The following SGK1 variants were observed in gnomAD, a reference collection of about 807,000 sequenced individuals.
The protein encoded by SGK1 is serine/threonine-protein kinase Sgk1.
Under a neutral mutation model 64.2 loss-of-function variants are expected in SGK1, and 26 were observed. That is an observed-to-expected ratio of 0.40 (90% confidence interval 0.30 to 0.56). The LOEUF (loss-of-function observed/expected upper bound fraction) is 0.56. SGK1 is among the 20% of genes least tolerant of loss of function. The pLI, the probability that SGK1 is intolerant of heterozygous loss-of-function variation, is 0.38. For missense variants in SGK1, 519 were observed against 645.6 expected, an observed-to-expected ratio of 0.80 and a Z score of 2.12; for synonymous variants, 265 against 239.7, an observed-to-expected ratio of 1.11 and a Z score of -0.98.
intron 3 of SGK1, among the ~76,000 whole-genome samples, chr6:134,186,669 A>G (rs747953098): frequency 1.6e-4 from 25 of 152,222 alleles, no homozygotes; most frequent in Non-Finnish European, 2.8e-4. Context: ...GGTGACCCAA[A>G]CCTACATTTC....
intron 1 of SGK1, among the ~76,000 whole-genome samples, chr6:134,293,972 G>A (rs1369212501): frequency 6.6e-6 from 1 of 152,154 alleles, no homozygotes; most frequent in Non-Finnish European, 1.5e-5. Flanking sequence ...TAGGATTTTA[G>A]CAACACACAT....
At chr6:134,265,543 CAT>C (rs552542510) in intron 1 of SGK1, among the ~76,000 whole-genome samples, 215 of 146,124 alleles carry the variant, frequency 1.5e-3, no homozygotes, top group African/African-American at 5.0e-3. Context: ...TTTATATACA[CAT>C]ATATATTTTA....
At chr6:134,258,102 A>G (rs1330252569) in intron 2 of SGK1, among the ~76,000 whole-genome samples, 1 of 151,392 alleles carries the variant, frequency 6.6e-6, no homozygotes, top group Non-Finnish European at 1.5e-5. Context: ...AACACAAAAT[A>G]TAGATTTTTT....
chr6:134,268,592 G>T (rs1050860055), intron 1 of SGK1, among the ~76,000 whole-genome samples: 2 of 146,416 alleles, frequency 1.4e-5, no homozygotes, highest in Non-Finnish European at 3.0e-5. Flanking sequence ...GCGTAGTGGA[G>T]GGTGCCTGTA....
At chr6:134,203,976 A>G (rs1372226812) in intron 3 of SGK1, among the ~76,000 whole-genome samples, 1 of 151,900 alleles carries the variant, frequency 6.6e-6, no homozygotes, top group African/African-American at 2.4e-5. Context: ...AGGCAGGAGA[A>G]TTGCTTGAAC....
intron 1 of SGK1, among the ~76,000 whole-genome samples, chr6:134,316,571 T>G (rs1389344197): frequency 2.0e-5 from 3 of 152,042 alleles, no homozygotes; most frequent in Admixed American, 6.6e-5. Context: ...GCCATCCCAG[T>G]GAACTGAGTT....
In SGK1 at chr6:134,234,679, C is replaced by T. The variant is rs548923942; in HGVS notation, c.286-27248G>A. 4.6e-5 allele frequency among the ~76,000 whole-genome samples: 7 copies of T among 151,860 alleles called. No individual in the cohort carries two copies. In the South Asian group the frequency reaches 1.5e-3, roughly 32 times the overall value. ...ATCACCTGAGGTCAAGAGTTTGAGA[C>T]CAGTCTGGCCAACATGGTGAAACCC... On this transcript the variant is annotated intron_variant, in intron 2 of 13. Coordinates refer to ENST00000367858, the MANE Select transcript of SGK1 (RefSeq NM_001143676.3).
At chr6:134,273,579 C>G (rs7773813) in intron 1 of SGK1, among the ~76,000 whole-genome samples, 2 of 82,178 alleles carry the variant, frequency 2.4e-5, no homozygotes, top group Admixed American at 2.2e-4. Context: ...GGCGACAGAG[C>G]GAGACTCCGT....
In SGK1 at chr6:134,172,253, T is replaced by C. The variant is rs1402148617; in HGVS notation, c.1011A>G (p.Gly337=). 1 of 1,613,964 alleles carries C rather than the reference T, an allele frequency of 6.2e-7. No individual in the cohort carries two copies. Among genetic ancestry groups the C allele is most frequent in the Non-Finnish European group, 8.5e-7 (1 of 1,179,986 alleles). ...SQGHIVLTDF[G]LCKENIEHNS... is the part of the protein sequence containing the mutation. ...TGTGTTCAATGTTCTCCTTGCAGAG[T>C]CCGAAGTCAGTAAGGACAATGTGTC... is the stretch of plus-strand genomic sequence containing the variant. The change falls in exon 10 of 14, where the codon GGA becomes GGG. Residue 337 remains glycine (G), a synonymous_variant. Coordinates refer to ENST00000367858, the MANE Select transcript of SGK1 (RefSeq NM_001143676.3).
intron 2 of SGK1, among the ~76,000 whole-genome samples, chr6:134,220,349 CTG>C (rs1776070937): frequency 6.6e-6 from 1 of 152,050 alleles, no homozygotes; most frequent in African/African-American, 2.4e-5. Context: ...AAAACAGACT[CTG>C]AGGGAGGCCA....
chr6:134,249,290 T>C (rs1776571329), intron 2 of SGK1, among the ~76,000 whole-genome samples: 1 of 152,150 alleles, frequency 6.6e-6, no homozygotes, highest in Admixed American at 6.5e-5. Flanking sequence ...GAAGATGATA[T>C]ATAGAAATTG....
chr6:134,226,555 G>A (rs1229427897), intron 2 of SGK1, among the ~76,000 whole-genome samples: 1 of 151,842 alleles, frequency 6.6e-6, no homozygotes, highest in Non-Finnish European at 1.5e-5. Context: ...TTAGCTAGGT[G>A]TGGTGGTACG....
intron 2 of SGK1, among the ~76,000 whole-genome samples, chr6:134,216,945 G>A (rs1293699722): frequency 6.6e-6 from 1 of 152,168 alleles, no homozygotes; most frequent in Non-Finnish European, 1.5e-5. Flanking sequence ...GCAATTCCAT[G>A]GGAGTGCAAG....
At chr6:134,280,966 G>A (rs1490174341) in intron 1 of SGK1, among the ~76,000 whole-genome samples, 2 of 152,138 alleles carry the variant, frequency 1.3e-5, no homozygotes, top group East Asian at 3.9e-4. Context: ...CTACTTGAGG[G>A]CTGAGGCAGG....
chr6:134,238,014 A>T (rs1776390052), intron 2 of SGK1, among the ~76,000 whole-genome samples: 1 of 152,188 alleles, frequency 6.6e-6, no homozygotes, highest in Admixed American at 6.5e-5. Flanking sequence ...TGATTCCCTC[A>T]GTTTGTATGA....
intron 1 of SGK1, among the ~76,000 whole-genome samples, chr6:134,314,796 T>TG (rs1168392299): frequency 6.6e-6 from 1 of 151,858 alleles, no homozygotes; most frequent in Non-Finnish European, 1.5e-5. Context: ...CCTATGGTTT[T>TG]TTTTTTTTTT....
chr6:134,186,805 C>G (rs913288688), intron 3 of SGK1, among the ~76,000 whole-genome samples: 5 of 151,882 alleles, frequency 3.3e-5, no homozygotes, highest in Admixed American at 1.3e-4. Flanking sequence ...CAGACATACA[C>G]TTCTGGGTTT....
At chr6:134,212,229 A>AT (rs1386062727) in intron 2 of SGK1, among the ~76,000 whole-genome samples, 1 of 151,452 alleles carries the variant, frequency 6.6e-6, no homozygotes, top group East Asian at 2.0e-4. Flanking sequence ...AATTTTTTGT[A>AT]TTTTTAATAG....
At chr6:134,302,464 T>C (rs1032605241) in intron 1 of SGK1, among the ~76,000 whole-genome samples, 1 of 152,232 alleles carries the variant, frequency 6.6e-6, no homozygotes, top group African/African-American at 2.4e-5. Context: ...AACCTGTTGA[T>C]GATGTGCAGG....
Sources: allele counts gnomAD v4.1 joint callset (sites outside exome capture counted in the v4.1 genomes callset), GRCh38; gene constraint gnomAD v4.1.1; transcripts MANE v1.5; gene names NCBI Gene and HGNC (gene_info 2026-07-23, HGNC 2026-07-21).